The following TMEM8B variants were observed in gnomAD, a reference collection of about 807,000 sequenced individuals.
TMEM8B encodes transmembrane protein 8B, also known as nasopharyngeal carcinoma expressed 6.
A neutral mutation model predicts 49.3 loss-of-function variants in TMEM8B; 29 were observed. That is an observed-to-expected ratio of 0.59 (90% CI 0.44 to 0.80). The LOEUF (loss-of-function observed/expected upper bound fraction) is 0.80, where lower values mean the gene tolerates loss of function less well. TMEM8B is among the 30% of genes least tolerant of loss of function. The pLI, the probability that TMEM8B is intolerant of heterozygous loss-of-function variation, is 0.00. For missense variants in TMEM8B, 575 were observed against 658.5 expected (o/e 0.87, Z 1.39); for synonymous variants, 264 against 272.8 (o/e 0.97, Z 0.32).
At chr9:35,846,436 C>A in intron 8 of TMEM8B, 33 bp from the exon 9 acceptor site, 1 of 1,597,030 alleles carries the variant, frequency 6.3e-7, no homozygotes. Context: ...GGGGGTGGCC[C>A]GGGGCCCCAG....
intron 3 of TMEM8B, among the ~76,000 whole-genome samples, chr9:35,840,852 C>A (rs1221267188): frequency 6.6e-6 from 1 of 152,078 alleles, no homozygotes; most frequent in African/African-American, 2.4e-5. Context: ...GGAGAAGGGG[C>A]AAGCCAGGCC....
chr9:35,863,990 G>A lies in TMEM8B; in HGVS notation c.*10150G>A, dbSNP rs1832691958. On this transcript the variant is annotated 3_prime_UTR_variant, in exon 13 of 13. Transcript: ENST00000643932. ...GAGTCACAGAGGGATAGGACCTGGA[G>A]TGTCTCTGAAAATAGCTGCCTGGTT... The A allele has an allele frequency of 6.6e-6, 1 of 152,254 alleles. No homozygotes were observed. The highest frequency in any genetic ancestry group is 2.1e-4 in the South Asian group (1 of 4,832). 9.4% of individuals were successfully genotyped at this position (152,254 alleles called of 1,614,324 possible).
intron 10 of TMEM8B, among the ~76,000 whole-genome samples, chr9:35,850,031 C>T (rs1191942174): frequency 6.6e-6 from 1 of 152,200 alleles, no homozygotes; most frequent in Non-Finnish European, 1.5e-5. Flanking sequence ...TCCCTCAGAC[C>T]ATCCCAGGTC....
At position 35,860,214 on chromosome 9, in the gene TMEM8B, C is replaced by G. The variant is rs905113116; in HGVS notation, c.*6374C>G. 1 of 152,238 alleles carries G rather than the reference C, an allele frequency of 6.6e-6. No homozygotes were observed. The highest frequency in any genetic ancestry group is 2.1e-4 in the South Asian group (1 of 4,838). The allele number at this position is 152,238 out of a possible 1,614,324, so 9.4% of individuals were successfully genotyped here. ...GGAGGATGGGGCACATTCTAGTCCC[C>G]TAGGCTCCTCTCTGCTCTCCCCAGG... On this transcript the variant is annotated 3_prime_UTR_variant, in exon 13 of 13. Coordinates refer to ENST00000643932, the MANE Select transcript of TMEM8B (RefSeq NM_001042590.4).
In TMEM8B at chr9:35,842,234, C is replaced by G. The variant is rs979803347; in HGVS notation, c.1310-158C>G. Among the ~76,000 whole-genome samples the G allele has an allele frequency of 6.6e-6, 1 of 152,212 alleles. No homozygotes were observed. Among genetic ancestry groups the G allele is most frequent in the Non-Finnish European group, 1.5e-5 (1 of 68,038 alleles). On this transcript the variant is annotated intron_variant, in intron 5 of 12. Transcript: ENST00000643932. The surrounding 1 kb of genome is among the most constrained non-coding windows in gnomAD (Gnocchi z 5.6). ...ATTAGCTGTCACCATTAGGAAACCC[C>G]TATAAACCTGGATGCCCCACACTCC...
rs1435442984 is a variant in TMEM8B at position 35,852,830 on chromosome 9, T to TAAGA, written c.2180_2181insAGAA (p.Tyr727Ter). 6.2e-7 allele frequency: 1 copy of TAAGA among 1,614,084 alleles called. No individual in the cohort carries two copies. Among genetic ancestry groups the TAAGA allele is most frequent in the Non-Finnish European group, 8.5e-7 (1 of 1,180,046 alleles). ...TGCCTGTCATTTCTTCCTTCAGTTC[T>TAAGA]ATCATGCCTGTGACCAGCCAGGCAT... is the stretch of plus-strand genomic sequence containing the variant. On this transcript the variant is annotated stop_gained and frameshift_variant, in exon 11 of 13. Coordinates refer to ENST00000643932, the MANE Select transcript of TMEM8B (RefSeq NM_001042590.4). LOFTEE classifies it high-confidence loss of function.
At chr9:35,845,674 C>G in intron 6 of TMEM8B, 2 of 985,382 alleles carry the variant, frequency 2.0e-6, no homozygotes, top group Non-Finnish European at 2.4e-6. Flanking sequence ...CTAGATAGGA[C>G]TGAAAAAGAG....
Position 35,860,642 on chromosome 9 carries a change from G to A in TMEM8B, c.*6802G>A, listed in dbSNP as rs573047140. 1 of 67,102 alleles carries A rather than the reference G, an allele frequency of 1.5e-5. No homozygotes were observed. Among genetic ancestry groups the A allele is most frequent in the African/African-American group, 3.4e-5 (1 of 29,166 alleles). 4.2% of individuals were successfully genotyped at this position (67,102 alleles called of 1,614,324 possible). On this transcript the variant is annotated 3_prime_UTR_variant, in exon 13 of 13. Transcript: ENST00000643932. ...TTGATTTCTGGTCATCTCTCCTTAAGGAATCATGGACCATTCATTATTTTG... is the reference window on the plus strand; with the variant it reads ...TTGATTTCTGGTCATCTCTCCTTAAAGAATCATGGACCATTCATTATTTTG...
At chr9:35,848,442 A>C (rs769140614) in intron 10 of TMEM8B, among the ~76,000 whole-genome samples, 1 of 152,202 alleles carries the variant, frequency 6.6e-6, no homozygotes, top group Non-Finnish European at 1.5e-5. Flanking sequence ...ATAATTAGTA[A>C]GAATACCTAA....
chr9:35,840,344 G>T (rs140193460), intron 3 of TMEM8B, among the ~76,000 whole-genome samples: 26 of 152,308 alleles, frequency 1.7e-4, no homozygotes, highest in Middle Eastern at 3.4e-3. Flanking sequence ...AAGATGACAG[G>T]ATTTGGCTTT....
At position 35,830,776 on chromosome 9, in the gene TMEM8B, T is replaced by C. The variant is rs954722286; in HGVS notation, c.508+821T>C. On this transcript the variant is annotated intron_variant, in intron 1 of 12. Transcript: ENST00000643932. ...CAAGGGTGCTTTATCCACAAACTGT[T>C]CCTTATTTGCCAGGCGTCAGCCAAG... 3.3e-5 allele frequency among the ~76,000 whole-genome samples: 5 copies of C among 152,340 alleles called. No individual in the cohort carries two copies. In the East Asian group the frequency reaches 5.8e-4, roughly 18 times the overall value.
intron 10 of TMEM8B, 70 bp downstream of exon 10, chr9:35,847,065 A>G: frequency 1.2e-6 from 2 of 1,614,072 alleles, no homozygotes; most frequent in Non-Finnish European, 1.7e-6. Flanking sequence ...CTGTATTTCC[A>G]CCACGTTCTC....
chr9:35,848,154 T>TC (rs111376089), intron 10 of TMEM8B, among the ~76,000 whole-genome samples: 4,312 of 152,188 alleles, frequency 0.028, 198 homozygotes, highest in African/African-American at 0.098. Context: ...GGGGCCTGGG[T>TC]CCTCCTGGAG....
At chr9:35,848,983 A>AT (rs1212732686) in intron 10 of TMEM8B, among the ~76,000 whole-genome samples, 3 of 151,812 alleles carry the variant, frequency 2.0e-5, no homozygotes, top group Non-Finnish European at 4.4e-5. Flanking sequence ...AAAATCTCAC[A>AT]TTTTCTTAAA....
Position 35,842,766 on chromosome 9 carries a change from G to C in TMEM8B, c.1635+49G>C. 6.5e-7 allele frequency: 1 copy of C among 1,550,362 alleles called. No homozygotes were observed. Among genetic ancestry groups the C allele is most frequent in the Non-Finnish European group, 8.7e-7 (1 of 1,145,728 alleles). On this transcript the variant is annotated intron_variant, in intron 6 of 12. Transcript: ENST00000643932. The surrounding 1 kb of genome is among the most constrained non-coding windows in gnomAD (Gnocchi z 5.6). ...GGTTGCTCTGCCAGGGAGCTTGAAG[G>C]GGAAGGTGTCAGGGGTGTTGGGGTG...
chr9:35,853,611 A>G lies in TMEM8B; in HGVS notation c.2546A>G (p.Tyr849Cys), dbSNP rs1018766991. ...ATTGCAGGCAGTGCCGTCCTGCTTT[A>G]TGCTTTTGTGGAGACCCGGGACAAC... ...SLIAGSAVLLYAFVETRDNYF... is the reference protein window; with the variant it reads ...SLIAGSAVLLCAFVETRDNYF... Residue 849 changes from tyrosine to cysteine, a missense_variant, in exon 13 of 13, where the codon TAT (tyrosine) becomes TGT (cysteine). Physicochemically the swap from Tyr to Cys is radical, Grantham distance 194 (BLOSUM62 -2). Transcript: ENST00000643932. The surrounding 1 kb of genome is among the most constrained non-coding windows in gnomAD (Gnocchi z 4.2). 3.1e-6 allele frequency: 5 copies of G among 1,614,084 alleles called. No individual in the cohort carries two copies. The highest frequency in any genetic ancestry group is 4.2e-6 in the Non-Finnish European group (5 of 1,180,042).
chr9:35,846,588 A>C lies in TMEM8B; in HGVS notation c.1973A>C (p.Tyr658Ser), dbSNP rs891133700. The stretch of plus-strand genomic sequence containing the variant: ...CTGCTGCGCACACACAATTATCTGT[A>C]CGCAGCCTGCGAGTGCAAGGCCGGT... ...CKLLRTHNYL[Y>S]AACECKAGWR... Residue 658 changes from tyrosine to serine, a missense_variant, in exon 9 of 13, where the codon TAC becomes TCC. Physicochemically the swap from Tyr to Ser is moderately radical, Grantham distance 144 (BLOSUM62 -2). Transcript: ENST00000643932. 6.4e-7 allele frequency: 1 copy of C among 1,571,394 alleles called. No individual in the cohort carries two copies.
intron 10 of TMEM8B, 111 bp downstream of exon 10, chr9:35,847,106 G>A: frequency 6.2e-7 from 1 of 1,614,222 alleles, no homozygotes; most frequent in Non-Finnish European, 8.5e-7. Context: ...TGCCTTCACT[G>A]TGTCTTCTAC....
chr9:35,845,915 G>A (rs766797965), intron 6 of TMEM8B, 60 bp from the exon 7 acceptor site: 1 of 1,608,940 alleles, frequency 6.2e-7, no homozygotes, highest in Non-Finnish European at 8.5e-7. Context: ...GGAGTCTGAG[G>A]GTGGCGGTGG....
Sources: gnomAD v4.1 joint callset for allele counts (sites outside exome capture counted in the v4.1 genomes callset) on GRCh38, gnomAD v4.1.1 for gene constraint, Gnocchi (gnomAD v3.1) non-coding constraint, MANE v1.5 for transcripts, NCBI Gene and HGNC (gene_info 2026-07-23, HGNC 2026-07-21) for gene names.